The following TTLL5 variants were observed in gnomAD, a reference collection of about 807,000 sequenced individuals.
TTLL5 encodes tubulin polyglutamylase TTLL5.
In TTLL5, 132 loss-of-function variants were observed where a neutral mutation model predicts 168.4. The ratio of observed to expected loss-of-function variants is 0.78; its 90% confidence interval spans 0.68 to 0.91. TTLL5 has a LOEUF of 0.91. TTLL5 is among the 40% of genes least tolerant of loss of function. TTLL5 has a pLI of 0.00. For synonymous variants in TTLL5, 546 were observed against 558.6 expected (o/e 0.98, Z 0.32); for missense variants, 1,545 against 1,581.5 (o/e 0.98, Z 0.39).
At chr14:75,679,157 G>T (rs1382377168) in intron 3 of TTLL5, among the ~76,000 whole-genome samples, 1 of 152,144 alleles carries the variant, frequency 6.6e-6, no homozygotes, top group Non-Finnish European at 1.5e-5. Context: ...GGTTTAGATG[G>T]AATTAAAGTT....
intron 29 of TTLL5, among the ~76,000 whole-genome samples, chr14:75,872,111 T>G (rs2031085039): frequency 6.6e-6 from 1 of 152,252 alleles, no homozygotes; most frequent in Admixed American, 6.5e-5. Context: ...GAGCTTTCTA[T>G]CTGGGGTCAT....
intron 29 of TTLL5, 40 bp from the exon 30 acceptor site, chr14:75,882,645 G>A: frequency 6.4e-7 from 1 of 1,558,588 alleles, no homozygotes. Context: ...GGTTGTGAAG[G>A]TGATGTCCAT....
At chr14:75,763,118 TA>T (rs543149911) in intron 18 of TTLL5, among the ~76,000 whole-genome samples, 1 of 151,382 alleles carries the variant, frequency 6.6e-6, no homozygotes, top group African/African-American at 2.4e-5. Flanking sequence ...TGACCAAGTT[TA>T]AAAAAAAATA....
rs779620625 is a variant in TTLL5 at position 75,954,407 on chromosome 14, G to T, written c.3824-17G>T. The T allele has an allele frequency of 4.3e-6, 7 of 1,613,616 alleles. No homozygotes were observed. The African/African-American group carries it at 8.0e-5, about 18-fold the overall frequency. On this transcript the variant is annotated splice_polypyrimidine_tract_variant and intron_variant, in intron 31 of 31. Transcript: ENST00000298832. ...CTGTCATTTCATTCATTTCATGGTT[G>T]CCTTTCTCTTTTTCAGATCCTGCTC...
chr14:75,919,635 A>G (rs898633173), intron 31 of TTLL5, among the ~76,000 whole-genome samples: 1 of 152,186 alleles, frequency 6.6e-6, no homozygotes, highest in African/African-American at 2.4e-5. Context: ...CCAAAAATTG[A>G]TAAAATACCT....
intron 28 of TTLL5, among the ~76,000 whole-genome samples, chr14:75,851,746 T>G (rs1896867997): frequency 1.3e-5 from 2 of 152,266 alleles, no homozygotes; most frequent in Middle Eastern, 3.4e-3. Context: ...TCTGGCGTCT[T>G]TTTTTTGGAT....
At chr14:75,832,027 A>C (rs549720499) in intron 28 of TTLL5, among the ~76,000 whole-genome samples, 1 of 152,192 alleles carries the variant, frequency 6.6e-6, no homozygotes, top group South Asian at 2.1e-4. Context: ...GAGGTCCTAC[A>C]TTTCTGTGAT....
intron 31 of TTLL5, among the ~76,000 whole-genome samples, chr14:75,948,426 A>G (rs567750904): frequency 3.3e-5 from 5 of 152,252 alleles, no homozygotes; most frequent in African/African-American, 9.6e-5. Flanking sequence ...TGGAGGTTGC[A>G]GTGAGCCAAG....
chr14:75,782,821 G>C (rs755406216), intron 25 of TTLL5, among the ~76,000 whole-genome samples: 8 of 152,170 alleles, frequency 5.3e-5, no homozygotes, highest in Admixed American at 3.9e-4. Flanking sequence ...TGAAAAGAAG[G>C]GGGAGAGGAA....
intron 18 of TTLL5, among the ~76,000 whole-genome samples, chr14:75,754,986 C>T (rs1890155475): frequency 6.6e-6 from 1 of 152,042 alleles, no homozygotes; most frequent in South Asian, 2.1e-4. Flanking sequence ...ATAATTTGGC[C>T]AGGCGCGGTG....
intron 12 of TTLL5, among the ~76,000 whole-genome samples, chr14:75,723,313 T>C (rs544872993): frequency 6.6e-6 from 1 of 152,260 alleles, no homozygotes; most frequent in Admixed American, 6.5e-5. Context: ...GAATGAATGA[T>C]TGGCACTTGC....
intron 28 of TTLL5, among the ~76,000 whole-genome samples, chr14:75,846,054 T>C (rs555673904): frequency 1.9e-3 from 287 of 152,332 alleles, no homozygotes; most frequent in Non-Finnish European, 3.7e-3. Flanking sequence ...TGTATAGTGT[T>C]TTACTTTTGT....
chr14:75,742,228 A>G (rs1201578278), intron 15 of TTLL5, among the ~76,000 whole-genome samples: 1 of 152,090 alleles, frequency 6.6e-6, no homozygotes, highest in East Asian at 1.9e-4. Flanking sequence ...TTATTATATC[A>G]TTTAAATGAA....
chr14:75,770,265 A>G (rs1891222645), intron 20 of TTLL5, among the ~76,000 whole-genome samples: 1 of 152,092 alleles, frequency 6.6e-6, no homozygotes. Context: ...GCTAGTAACA[A>G]AGATGTAGCC....
Position 75,954,970 on chromosome 14 carries a change from G to A in TTLL5, c.*524G>A, listed in dbSNP as rs2035062557. 1 of 152,704 alleles carries A rather than the reference G, an allele frequency of 6.5e-6. No individual in the cohort carries two copies. Among genetic ancestry groups the A allele is most frequent in the Non-Finnish European group, 1.5e-5 (1 of 68,398 alleles). 9.5% of individuals were successfully genotyped at this position (152,704 alleles called of 1,614,324 possible). ...GGGGAAAGAGGAGCATTCATCACAAGTTTCCTAGAGAGAGGAGACAAATCG... is the reference window on the plus strand; with the variant it reads ...GGGGAAAGAGGAGCATTCATCACAAATTTCCTAGAGAGAGGAGACAAATCG... On this transcript the variant is annotated 3_prime_UTR_variant, in exon 32 of 32. Transcript: ENST00000298832.
chr14:75,818,673 G>A (rs1298093148), intron 27 of TTLL5: 7 of 113,148 alleles, frequency 6.2e-5, no homozygotes, highest in Admixed American at 1.2e-4. Flanking sequence ...TTTTTTTTTT[G>A]TATTTTTAGT....
At chr14:75,706,973 T>G in intron 7 of TTLL5, 45 bp from the exon 8 acceptor site, 2 of 1,471,408 alleles carry the variant, frequency 1.4e-6, no homozygotes, top group Non-Finnish European at 1.9e-6. Context: ...TAAATTAGGA[T>G]TCCTGTGTAT....
At chr14:75,943,327 G>C (rs2034670939) in intron 31 of TTLL5, among the ~76,000 whole-genome samples, 1 of 152,144 alleles carries the variant, frequency 6.6e-6, no homozygotes, top group African/African-American at 2.4e-5. Context: ...TGGGACCCCA[G>C]AGTGCCAGCT....
chr14:75,711,602 G>C (rs940413858), intron 9 of TTLL5: 1 of 152,300 alleles, frequency 6.6e-6, no homozygotes, highest in East Asian at 1.9e-4. Context: ...AACTTGGGGG[G>C]CATGCAAGTA....
Sources: gnomAD v4.1 joint callset for allele counts (sites outside exome capture counted in the v4.1 genomes callset) on GRCh38, gnomAD v4.1.1 for gene constraint, MANE v1.5 for transcripts, NCBI Gene and HGNC (gene_info 2026-07-23, HGNC 2026-07-21) for gene names.